SESN1: variants seen among roughly 807,000 people sequenced by gnomAD.
SESN1 encodes sestrin 1.
In SESN1, 30 loss-of-function variants were observed where a neutral mutation model predicts 59.3. That is an observed-to-expected ratio of 0.51 (90% CI 0.38 to 0.69). SESN1 has a LOEUF of 0.69. SESN1 is among the 30% of genes least tolerant of loss of function. The pLI, the probability that SESN1 is intolerant of heterozygous loss-of-function variation, is 0.00. For synonymous variants in SESN1, 197 were observed against 219.9 expected (o/e 0.90, Z 0.92); for missense variants, 566 against 673.0 (o/e 0.84, Z 1.76).
chr6:109,052,786 A>C (rs1282172935), intron 1 of SESN1, among the ~76,000 whole-genome samples: 1 of 152,084 alleles, frequency 6.6e-6, no homozygotes, highest in Non-Finnish European at 1.5e-5. Flanking sequence ...CAGTTTTGAG[A>C]CGAGACAGAA....
At chr6:109,088,774 C>T (rs554638233) in intron 1 of SESN1, among the ~76,000 whole-genome samples, 49 of 152,202 alleles carry the variant, frequency 3.2e-4, no homozygotes, top group Non-Finnish European at 5.7e-4. Flanking sequence ...GGAAAGTGGG[C>T]CAGTATTAAT....
At chr6:108,993,792 T>C (rs1366048928) in intron 6 of SESN1, among the ~76,000 whole-genome samples, 1 of 152,094 alleles carries the variant, frequency 6.6e-6, no homozygotes, top group African/African-American at 2.4e-5. Context: ...TTGCCCCAAC[T>C]AGTCTGGAAT....
At chr6:109,041,944 G>T (rs1026052668) in intron 1 of SESN1, among the ~76,000 whole-genome samples, 8 of 151,962 alleles carry the variant, frequency 5.3e-5, no homozygotes, top group African/African-American at 1.9e-4. Flanking sequence ...AATACATCAT[G>T]GCCATAAAAT....
At chr6:109,058,810 C>T (rs556864721) in intron 1 of SESN1, among the ~76,000 whole-genome samples, 1 of 152,028 alleles carries the variant, frequency 6.6e-6, no homozygotes, top group East Asian at 1.9e-4. Context: ...GGTTTTCACT[C>T]GTATGATAGT....
chr6:109,048,003 T>C (rs1043714968), intron 1 of SESN1, among the ~76,000 whole-genome samples: 4 of 148,880 alleles, frequency 2.7e-5, no homozygotes, highest in African/African-American at 7.4e-5. Flanking sequence ...AGACCTTTGT[T>C]CACTTGTTTA....
At position 109,068,246 on chromosome 6, in the gene SESN1, A is replaced by T. The variant is rs543309124; in HGVS notation, c.279+25549T>A. Among the ~76,000 whole-genome samples the T allele has an allele frequency of 7.2e-5, 11 of 152,320 alleles. No individual in the cohort carries two copies. In the South Asian group the frequency reaches 2.3e-3, roughly 32 times the overall value. Reference sequence around the variant, plus strand: ...CTGAGTGTGCCATCCATTTTCTGCTAGGATCCTGGCTGATTCAGCAGGGAG... The same window carrying T: ...CTGAGTGTGCCATCCATTTTCTGCTTGGATCCTGGCTGATTCAGCAGGGAG... On this transcript the variant is annotated intron_variant, in intron 1 of 9. Coordinates refer to ENST00000436639, the MANE Select transcript of SESN1 (RefSeq NM_014454.3).
intron 1 of SESN1, chr6:109,009,272 C>T: frequency 8.2e-7 from 1 of 1,212,178 alleles, no homozygotes; most frequent in Non-Finnish European, 1.1e-6. Flanking sequence ...GAGGAGGCAA[C>T]GTGACCTCCG....
At chr6:108,992,224 G>A (rs1201316873) in intron 7 of SESN1, among the ~76,000 whole-genome samples, 4 of 152,026 alleles carry the variant, frequency 2.6e-5, no homozygotes, top group Non-Finnish European at 5.9e-5. Context: ...TCAGCCTCCT[G>A]AGTAGATGGG....
chr6:108,991,055 T>C (rs1359134964), intron 7 of SESN1, among the ~76,000 whole-genome samples: 1 of 147,582 alleles, frequency 6.8e-6, no homozygotes, highest in Non-Finnish European at 1.5e-5. Flanking sequence ...TAAAAACTAA[T>C]AGTCTCATCT....
At position 108,992,882 on chromosome 6, in the gene SESN1, G is replaced by C; in HGVS notation, c.1138C>G (p.Pro380Ala). Reference protein sequence around the residue: ...VFSSDDEEVTPARAVSRHFED... With the variant: ...VFSSDDEEVTAARAVSRHFED... ...AAATGACGAGATACAGCTCTTGCTGGTGTAACTTCTTCATCATCTGGGAAA... is the reference window on the plus strand; with the variant it reads ...AAATGACGAGATACAGCTCTTGCTGCTGTAACTTCTTCATCATCTGGGAAA... The change falls in exon 7 of 10, where the codon CCA (proline) becomes GCA (alanine). Residue 380 changes from proline to alanine, a missense_variant. Transcript: ENST00000436639. 2 of 1,610,830 alleles carry C rather than the reference G, an allele frequency of 1.2e-6. No homozygotes were observed. The highest frequency in any genetic ancestry group is 1.7e-6 in the Non-Finnish European group (2 of 1,178,010).
chr6:109,034,244 A>G (rs1418280010), intron 1 of SESN1, among the ~76,000 whole-genome samples: 1 of 152,184 alleles, frequency 6.6e-6, no homozygotes, highest in Non-Finnish European at 1.5e-5. Context: ...CTTGAATAAT[A>G]TGTATTTGAG....
rs1044116483 is a variant in SESN1, at chr6:109,094,113, G to A, written c.-40C>T. On this transcript the variant is annotated 5_prime_UTR_variant, in exon 1 of 10. Transcript: ENST00000436639. ...CTTTGCGGTCTTCAGTTACCTTTCA[G>A]CATGCCCCAAAAAAATTGCTTTGTA... 2.6e-6 allele frequency: 4 copies of A among 1,550,006 alleles called. No homozygotes were observed. In the African/African-American group the frequency reaches 4.2e-5, roughly 16 times the overall value.
intron 1 of SESN1, among the ~76,000 whole-genome samples, chr6:109,028,130 C>A (rs2114386926): frequency 6.6e-6 from 1 of 150,844 alleles, no homozygotes; most frequent in Middle Eastern, 3.4e-3. Context: ...CCTTTGCCTA[C>A]CCCCAGGTTG....
chr6:108,991,194 T>C (rs1432317850), intron 7 of SESN1, among the ~76,000 whole-genome samples: 1 of 152,082 alleles, frequency 6.6e-6, no homozygotes, highest in Admixed American at 6.6e-5. Context: ...TCCTTTTCCA[T>C]TGCTGCAGCC....
chr6:109,031,704 G>T (rs988866757), intron 1 of SESN1, among the ~76,000 whole-genome samples: 1 of 152,120 alleles, frequency 6.6e-6, no homozygotes, highest in African/African-American at 2.4e-5. Context: ...GTAGGAAATG[G>T]CCCATCTTTT....
intron 1 of SESN1, among the ~76,000 whole-genome samples, chr6:109,027,843 G>A (rs1025636887): frequency 1.3e-5 from 2 of 152,034 alleles, no homozygotes; most frequent in African/African-American, 2.4e-5. Context: ...GTTTTAATGT[G>A]CTTATTGGTC....
intron 1 of SESN1, among the ~76,000 whole-genome samples, chr6:109,064,312 T>C (rs1780780064): frequency 6.6e-6 from 1 of 151,494 alleles, no homozygotes; most frequent in African/African-American, 2.4e-5. Context: ...TAGCTCAGAG[T>C]CAATAAATCT....
intron 5 of SESN1, among the ~76,000 whole-genome samples, chr6:108,996,111 G>T (rs1487008777): frequency 6.6e-6 from 1 of 152,156 alleles, no homozygotes; most frequent in Non-Finnish European, 1.5e-5. Flanking sequence ...AATCTGTTTG[G>T]TTTACTTGTA....
Position 109,009,525 on chromosome 6 carries a change from T to C in SESN1, c.280-7182A>G, listed in dbSNP as rs1411056653. On this transcript the variant is annotated intron_variant, in intron 1 of 9. Coordinates refer to ENST00000436639, the MANE Select transcript of SESN1 (RefSeq NM_014454.3). ...GCGCTGGGCAGCCGGCCGCGGCTCC[T>C]GGCTGCAGCGCCTCAGTCAGCACGG... 12 of 1,180,344 alleles carry C rather than the reference T, an allele frequency of 1.0e-5. No individual in the cohort carries two copies. The African/African-American group carries it at 1.3e-4, about 13-fold the overall frequency. The allele number at this position is 1,180,344 out of a possible 1,614,324, so 73.1% of individuals were successfully genotyped here.
Sources: allele counts gnomAD v4.1 joint callset (sites outside exome capture counted in the v4.1 genomes callset), GRCh38; gene constraint gnomAD v4.1.1; transcripts MANE v1.5; gene names NCBI Gene and HGNC (gene_info 2026-07-23, HGNC 2026-07-21).